DST: variants seen among roughly 807,000 people sequenced by gnomAD.
DST encodes the protein dystonin.
A neutral mutation model predicts 875.2 loss-of-function variants in DST; 253 were observed. The observed-to-expected ratio is 0.29, with a 90% CI of 0.26 to 0.32. The LOEUF (loss-of-function observed/expected upper bound fraction) is 0.32, where lower values mean the gene tolerates loss of function less well. Ranked by LOEUF, DST falls within the 10% of genes least tolerant of loss-of-function variation. The pLI is 1.00. For missense variants in DST, 8,287 were observed against 9,111.6 expected, an observed-to-expected ratio of 0.91 and a Z score of 3.68; for synonymous variants, 3,124 against 3,197.1, an observed-to-expected ratio of 0.98 and a Z score of 0.77.
chr6:56,533,570 A>G (rs2096936407), intron 63 of DST, among the ~76,000 whole-genome samples: 1 of 152,124 alleles, frequency 6.6e-6, no homozygotes, highest in African/African-American at 2.4e-5. Context: ...ATCAAAGTAC[A>G]ACAGGTGCTT....
At chr6:56,626,777 C>A (rs2098738811) in intron 34 of DST, among the ~76,000 whole-genome samples, 1 of 152,092 alleles carries the variant, frequency 6.6e-6, no homozygotes, top group Non-Finnish European at 1.5e-5. Flanking sequence ...TAGCCCTATG[C>A]AGCCCCCCTT....
intron 36 of DST, chr6:56,615,998 A>G (rs1586716306): frequency 6.2e-7 from 1 of 1,614,238 alleles, no homozygotes. Flanking sequence ...AAGAGGATCA[A>G]TTATGCCCCC....
intron 49 of DST, among the ~76,000 whole-genome samples, chr6:56,582,874 C>T (rs2098047417): frequency 6.6e-6 from 1 of 151,928 alleles, no homozygotes; most frequent in South Asian, 2.1e-4. Context: ...TGATAGTTTA[C>T]TGAGAATGAT....
chr6:56,493,695 A>C (rs972259655), intron 83 of DST, among the ~76,000 whole-genome samples: 9 of 152,084 alleles, frequency 5.9e-5, no homozygotes, highest in Non-Finnish European at 7.4e-5. Flanking sequence ...CTTTTGTTTA[A>C]TTAGATTAAA....
chr6:56,608,059 G>A lies in DST; in HGVS notation c.6569C>T (p.Thr2190Ile). 4 of 1,613,462 alleles carry A rather than the reference G, an allele frequency of 2.5e-6. No individual in the cohort carries two copies. Among genetic ancestry groups the A allele is most frequent in the Non-Finnish European group, 3.4e-6 (4 of 1,179,656 alleles). ...EDVFDGEEPV[T>I]TQTSEETKKL... Reference sequence around the variant, plus strand: ...TTTAGTTTCTTCTGAGGTCTGAGTAGTGACAGGTTCTTCTCCATCAAAAAC... The same window carrying A: ...TTTAGTTTCTTCTGAGGTCTGAGTAATGACAGGTTCTTCTCCATCAAAAAC... The change falls in exon 40 of 104, where the codon ACT becomes ATT. Residue 2190 changes from threonine to isoleucine, a missense_variant. Coordinates refer to ENST00000680361, the MANE Select transcript of DST (RefSeq NM_001374736.1).
At chr6:56,679,353 C>G (rs1477627134) in intron 9 of DST, among the ~76,000 whole-genome samples, 1 of 152,068 alleles carries the variant, frequency 6.6e-6, no homozygotes, top group Non-Finnish European at 1.5e-5. Flanking sequence ...CATGTGGACT[C>G]CTGCCACCAC....
chr6:56,616,936 T>C, intron 36 of DST: 2 of 1,605,810 alleles, frequency 1.2e-6, no homozygotes, highest in Non-Finnish European at 1.7e-6. Flanking sequence ...TTATAAAACC[T>C]GTTGCAGCCT....
At chr6:56,510,678 C>T (rs1331563857) in intron 73 of DST, among the ~76,000 whole-genome samples, 1 of 152,098 alleles carries the variant, frequency 6.6e-6, no homozygotes, top group Non-Finnish European at 1.5e-5. Context: ...CTCTAATGTG[C>T]CATATCTAAT....
At chr6:56,707,192 C>T (rs1325323108) in intron 5 of DST, among the ~76,000 whole-genome samples, 3 of 152,128 alleles carry the variant, frequency 2.0e-5, no homozygotes, top group African/African-American at 4.8e-5. Flanking sequence ...GGGTTGGGGA[C>T]TCTTGTATTA....
chr6:56,910,598 C>A (rs930971916), intron 2 of DST, among the ~76,000 whole-genome samples: 1 of 152,154 alleles, frequency 6.6e-6, no homozygotes, highest in African/African-American at 2.4e-5. Flanking sequence ...AATTCTTCTG[C>A]CTCAGCCTCC....
intron 4 of DST, among the ~76,000 whole-genome samples, chr6:56,838,664 G>C (rs958475985): frequency 1.3e-5 from 2 of 152,052 alleles, no homozygotes; most frequent in African/African-American, 4.8e-5. Context: ...AAACTGAAAA[G>C]AGCATCAGTA....
intron 43 of DST, 96 bp from the exon 44 acceptor site, chr6:56,601,772 C>T: frequency 1.3e-6 from 1 of 757,730 alleles, no homozygotes; most frequent in Non-Finnish European, 2.0e-6. Context: ...ACATTTCTCA[C>T]ATCAGGGAAT....
At position 56,529,529 on chromosome 6, in the gene DST, A is replaced by G; in HGVS notation, c.17514T>C (p.Asn5838=). 6.2e-7 allele frequency: 1 copy of G among 1,613,402 alleles called. No individual in the cohort carries two copies. The highest frequency in any genetic ancestry group is 8.5e-7 in the Non-Finnish European group (1 of 1,179,578). Residue 5838 remains asparagine (N), a synonymous_variant, in exon 66 of 104, where the codon AAT becomes AAC. Coordinates refer to ENST00000680361, the MANE Select transcript of DST (RefSeq NM_001374736.1). ...GCTTGCTCAGTTTGTCATGCACTTC[A>G]TTCAGCCAGTTCATCAGTTCAACTT... is the stretch of plus-strand genomic sequence containing the variant. ...EDEVELMNWL[N]EVHDKLSKLS... is the part of the protein sequence containing the mutation.
At chr6:56,871,660 T>C in intron 3 of DST, 1 of 730,558 alleles carries the variant, frequency 1.4e-6, no homozygotes, top group Admixed American at 1.8e-5. Context: ...GAACAAATTG[T>C]TCCTAAACCA....
At chr6:56,886,451 T>G (rs1281793225) in intron 3 of DST, among the ~76,000 whole-genome samples, 1 of 152,210 alleles carries the variant, frequency 6.6e-6, no homozygotes, top group Non-Finnish European at 1.5e-5. Flanking sequence ...GAAGTGCTAC[T>G]TAACTACGAA....
chr6:56,474,008 A>G lies in DST; in HGVS notation c.21865-6T>C, dbSNP rs1175249491. ...GTCATTTCCTCCATGAAGGTCTGAAATGAAAGAAATGATGTCAATCAAATA... is the reference window on the plus strand; with the variant it reads ...GTCATTTCCTCCATGAAGGTCTGAAGTGAAAGAAATGATGTCAATCAAATA... On this transcript the variant is annotated splice_region_variant and splice_polypyrimidine_tract_variant and intron_variant, in intron 92 of 103. Transcript: ENST00000680361. The G allele has an allele frequency of 6.4e-7, 1 of 1,567,744 alleles. No individual in the cohort carries two copies. The highest frequency in any genetic ancestry group is 8.7e-7 in the Non-Finnish European group (1 of 1,154,644).
At chr6:56,534,209 T>C (rs1159307395) in intron 63 of DST, among the ~76,000 whole-genome samples, 2 of 152,174 alleles carry the variant, frequency 1.3e-5, no homozygotes, top group Non-Finnish European at 1.5e-5. Context: ...AAAAAATTAA[T>C]GTAAAATTTT....
chr6:56,953,663 G>A (rs1823543780), intron 2 of DST, 122 bp downstream of exon 2: 1 of 657,318 alleles, frequency 1.5e-6, no homozygotes, highest in African/African-American at 1.9e-5. Flanking sequence ...GCCACTTTCG[G>A]CTAGGGGACA....
At chr6:56,708,799 G>T (rs548830716) in intron 5 of DST, among the ~76,000 whole-genome samples, 11 of 152,250 alleles carry the variant, frequency 7.2e-5, no homozygotes, top group Non-Finnish European at 1.3e-4. Flanking sequence ...AAATTTAAGG[G>T]AAAGAAAAGA....
Sources: allele counts gnomAD v4.1 joint callset (sites outside exome capture counted in the v4.1 genomes callset), GRCh38; gene constraint gnomAD v4.1.1; transcripts MANE v1.5; gene names NCBI Gene and HGNC (gene_info 2026-07-23, HGNC 2026-07-21).